Variants in DNAH14 observed in about 807,000 individuals in gnomAD.
DNAH14 encodes dynein axonemal heavy chain 14.
Under a neutral mutation model 520.9 loss-of-function variants are expected in DNAH14, and 478 were observed. The ratio of observed to expected loss-of-function variants is 0.92; its 90% CI spans 0.85 to 0.99. The LOEUF is 0.99. Ranked by LOEUF, DNAH14 falls within the 50% of genes least tolerant of loss-of-function variation. The pLI is 0.00. For synonymous variants in DNAH14, 1,581 were observed against 1,757.2 expected (o/e 0.90, Z 2.51); for missense variants, 4,831 against 5,234.5 (o/e 0.92, Z 2.38).
intron 64 of DNAH14, among the ~76,000 whole-genome samples, chr1:225,329,005 G>A (rs1447240627): frequency 6.6e-6 from 1 of 152,128 alleles, no homozygotes; most frequent in African/African-American, 2.4e-5. Context: ...TAAAAAAAGA[G>A]AAATTACCAA....
chr1:225,072,490 A>T (rs1013485767), intron 17 of DNAH14, among the ~76,000 whole-genome samples: 12 of 152,116 alleles, frequency 7.9e-5, no homozygotes, highest in Non-Finnish European at 1.6e-4. Flanking sequence ...GTACTTCTTT[A>T]GCTCAGTGAT....
At position 224,940,286 on chromosome 1, in the gene DNAH14, T is replaced by A. The variant is rs530466231; in HGVS notation, c.-34+10451T>A. On this transcript the variant is annotated intron_variant, in intron 1 of 85. Coordinates refer to ENST00000682510, the MANE Select transcript of DNAH14 (RefSeq NM_001367479.1). ...GGGCTGGGCCTGGAACTGGCTAATA[T>A]TATTTTCACAGTATTCTGTTGGTCA... 2.0e-5 allele frequency among the ~76,000 whole-genome samples: 3 copies of A among 152,322 alleles called. No homozygotes were observed. In the East Asian group the frequency reaches 5.8e-4, roughly 29 times the overall value.
At chr1:225,051,407 TA>T (rs2068523845) in intron 16 of DNAH14, 43 bp from the exon 17 acceptor site, 1 of 1,360,160 alleles carries the variant, frequency 7.4e-7, no homozygotes, top group Admixed American at 3.3e-5. Flanking sequence ...TTTTCACTCT[TA>T]AAATAAAAAT....
intron 5 of DNAH14, among the ~76,000 whole-genome samples, chr1:224,965,853 C>T (rs1005080430): frequency 2.0e-5 from 3 of 152,086 alleles, no homozygotes; most frequent in African/African-American, 7.2e-5. Flanking sequence ...AAAACAAAAC[C>T]ATAGCTGTAC....
chr1:225,193,194 T>G (rs918420089), intron 38 of DNAH14, among the ~76,000 whole-genome samples: 1 of 152,150 alleles, frequency 6.6e-6, no homozygotes, highest in Non-Finnish European at 1.5e-5. Context: ...ATCTAGTGAT[T>G]CCAGCACCAC....
At chr1:225,313,682 C>G (rs2094413994) in intron 60 of DNAH14, among the ~76,000 whole-genome samples, 1 of 152,128 alleles carries the variant, frequency 6.6e-6, no homozygotes, top group South Asian at 2.1e-4. Context: ...TTATTTCTGC[C>G]TTCATTTCAT....
At chr1:225,272,289 T>C (rs1338427948) in intron 51 of DNAH14, among the ~76,000 whole-genome samples, 1 of 152,220 alleles carries the variant, frequency 6.6e-6, no homozygotes, top group Non-Finnish European at 1.5e-5. Context: ...TGTTAGAATA[T>C]TGGCTAAGAT....
At chr1:225,302,208 G>A (rs990499382) in intron 56 of DNAH14, among the ~76,000 whole-genome samples, 1 of 150,116 alleles carries the variant, frequency 6.7e-6, no homozygotes, top group Non-Finnish European at 1.5e-5. Flanking sequence ...AAATAATAAA[G>A]GCACACTTTA....
intron 23 of DNAH14, among the ~76,000 whole-genome samples, chr1:225,110,317 T>C (rs1167097372): frequency 6.6e-6 from 1 of 152,058 alleles, no homozygotes; most frequent in African/African-American, 2.4e-5. Context: ...TAGGCTTTTC[T>C]TTGCTGGGGG....
intron 21 of DNAH14, among the ~76,000 whole-genome samples, chr1:225,087,434 G>A (rs1387253337): frequency 2.0e-5 from 3 of 152,218 alleles, no homozygotes; most frequent in Non-Finnish European, 2.9e-5. Flanking sequence ...TATGGGTTTT[G>A]GAGGGGACAT....
intron 29 of DNAH14, among the ~76,000 whole-genome samples, chr1:225,145,022 G>A (rs1053675188): frequency 6.6e-6 from 1 of 151,970 alleles, no homozygotes; most frequent in East Asian, 1.9e-4. Context: ...AAAAGCAGTA[G>A]TAGTTACTGA....
chr1:224,980,461 G>A (rs2062181193), intron 8 of DNAH14, among the ~76,000 whole-genome samples: 1 of 152,158 alleles, frequency 6.6e-6, no homozygotes, highest in South Asian at 2.1e-4. Context: ...GCTCAGTTGC[G>A]GTAGTATAGA....
chr1:225,146,989 A>C, intron 30 of DNAH14, 115 bp from the exon 31 acceptor site: 2 of 759,236 alleles, frequency 2.6e-6, no homozygotes, highest in Non-Finnish European at 4.0e-6. Flanking sequence ...GGGAAATGCA[A>C]AAGGCCTTTG....
At chr1:225,307,377 T>C in intron 58 of DNAH14, 84 bp from the exon 59 acceptor site, 1 of 961,418 alleles carries the variant, frequency 1.0e-6, no homozygotes, top group Non-Finnish European at 1.5e-6. Context: ...CATAATTTGG[T>C]GTAATTCTTT....
At chr1:225,266,833 A>C (rs566949158) in intron 49 of DNAH14, 64 bp downstream of exon 49, 2 of 1,392,032 alleles carry the variant, frequency 1.4e-6, no homozygotes, top group Non-Finnish European at 1.9e-6. Flanking sequence ...TTAAATGTTT[A>C]TAACAATGTT....
In DNAH14 at chr1:225,324,336, T is replaced by G; in HGVS notation, c.9610T>G (p.Tyr3204Asp). ...LCQWVIALNN[Y>D]HEVQKVVGPK... is the part of the protein sequence containing the mutation. The stretch of plus-strand genomic sequence containing the variant: ...CCAGTGGGTTATAGCTTTGAATAAC[T>G]ACCATGAAGTACAGAAGGTATGCTT... Residue 3204 changes from tyrosine to aspartate, a missense_variant, in exon 63 of 86, where the codon TAC (tyrosine) becomes GAC (aspartate). Coordinates refer to ENST00000682510, the MANE Select transcript of DNAH14 (RefSeq NM_001367479.1). 9 of 1,551,962 alleles carry G rather than the reference T, an allele frequency of 5.8e-6. 1 individual carries two copies. The highest frequency in any genetic ancestry group is 1.4e-5 in the African/African-American group (1 of 73,184).
intron 27 of DNAH14, among the ~76,000 whole-genome samples, chr1:225,127,549 T>C (rs1435405261): frequency 6.6e-6 from 1 of 152,152 alleles, no homozygotes; most frequent in Non-Finnish European, 1.5e-5. Flanking sequence ...TTTTTTCTTT[T>C]CCATTTGCTT....
In DNAH14 at chr1:225,277,435, AG is replaced by A; in HGVS notation, c.8206del (p.Glu2736LysfsTer3). On this transcript the variant is annotated frameshift_variant, in exon 54 of 86. Coordinates refer to ENST00000682510, the MANE Select transcript of DNAH14 (RefSeq NM_001367479.1). LOFTEE classifies it high-confidence loss of function. ...LELSHSMVFF[K>X]EAIEHIIRAT... The stretch of plus-strand genomic sequence containing the variant: ...CTTTCTCATTCCATGGTGTTCTTCA[AG>A]GAAGCCATAGAACACATCATAAGAG... 1 of 470,560 alleles carries A rather than the reference AG, an allele frequency of 2.1e-6. No individual in the cohort carries two copies. The highest frequency in any genetic ancestry group is 4.4e-6 in the Non-Finnish European group (1 of 226,690). The allele number at this position is 470,560 out of a possible 1,614,324, so 29.1% of individuals were successfully genotyped here. A position where few individuals can be genotyped will look rare whatever the true frequency, so the allele number is the denominator to read the frequency against.
At chr1:225,371,443 A>G (rs2095617702) in intron 77 of DNAH14, among the ~76,000 whole-genome samples, 1 of 152,160 alleles carries the variant, frequency 6.6e-6, no homozygotes, top group Non-Finnish European at 1.5e-5. Context: ...TATGAAAAAG[A>G]CTATCTAAAA....
Sources: allele counts gnomAD v4.1 joint callset (sites outside exome capture counted in the v4.1 genomes callset), GRCh38; gene constraint gnomAD v4.1.1; transcripts MANE v1.5; gene names NCBI Gene and HGNC (gene_info 2026-07-23, HGNC 2026-07-21).